Variants in ADAMTS2 observed in about 807,000 individuals in gnomAD.
The protein encoded by ADAMTS2 is ADAM metallopeptidase with thrombospondin type 1 motif 2, also known as A disintegrin and metalloproteinase with thrombospondin motifs 2.
Under a neutral mutation model 123.0 loss-of-function variants are expected in ADAMTS2, and 50 were observed. The ratio of observed to expected loss-of-function variants is 0.41; its 90% CI spans 0.32 to 0.51. ADAMTS2 has a LOEUF of 0.51. ADAMTS2 is among the 20% of genes least tolerant of loss of function. The pLI is 0.35. For synonymous variants in ADAMTS2, 678 were observed against 695.4 expected (o/e 0.98, Z 0.39); for missense variants, 1,494 against 1,705.2 (o/e 0.88, Z 2.18).
At chr5:179,313,225 G>A (rs977772293) in intron 2 of ADAMTS2, among the ~76,000 whole-genome samples, 2 of 136,560 alleles carry the variant, frequency 1.5e-5, no homozygotes, top group African/African-American at 2.7e-5. Context: ...CACACACACC[G>A]AGACAGAGGA....
At chr5:179,290,299 C>T (rs368792627) in intron 2 of ADAMTS2, among the ~76,000 whole-genome samples, 70 of 152,276 alleles carry the variant, frequency 4.6e-4, no homozygotes, top group African/African-American at 1.6e-3. Flanking sequence ...CTTCTTTGCA[C>T]ACATGGGCTT....
In ADAMTS2 at chr5:179,260,442, C is replaced by T. The variant is rs1160687364; in HGVS notation, c.688+12469G>A. 2.6e-5 allele frequency among the ~76,000 whole-genome samples: 4 copies of T among 152,186 alleles called. No individual in the cohort carries two copies. The highest frequency in any genetic ancestry group is 9.7e-5 in the African/African-American group (4 of 41,448). On this transcript the variant is annotated intron_variant, in intron 3 of 21. Transcript: ENST00000251582. The surrounding 1 kb of genome is among the most constrained non-coding windows in gnomAD (Gnocchi z 4.2). ...ACATCCTCACTCACCCTCGCTGGGC[C>T]CCAGTTTCTGCAGCCGTTAAGTGGA...
Position 179,153,589 on chromosome 5 carries a change from G to T in ADAMTS2, c.1417C>A (p.His473Asn). Residue 473 changes from histidine to asparagine, a missense_variant, in exon 9 of 22, where the codon CAC becomes AAC. Physicochemically the swap from His to Asn is moderately conservative, Grantham distance 68. Coordinates refer to ENST00000251582, the MANE Select transcript of ADAMTS2 (RefSeq NM_014244.5). ...YDCLLDDPFAHDWPALPQLPG... is the reference protein window; with the variant it reads ...YDCLLDDPFANDWPALPQLPG... The stretch of plus-strand genomic sequence containing the variant: ...AGCTGGGGCAGCGCCGGCCAGTCGT[G>T]GGCGAAGGGGTCATCCAGCAGGCAG... 1 of 1,607,174 alleles carries T rather than the reference G, an allele frequency of 6.2e-7. No individual in the cohort carries two copies.
chr5:179,283,314 C>T (rs1755879867), intron 2 of ADAMTS2, among the ~76,000 whole-genome samples: 1 of 151,858 alleles, frequency 6.6e-6, no homozygotes, highest in African/African-American at 2.4e-5. Context: ...AAGCCCACAA[C>T]AATCAGACAA....
Position 179,284,168 on chromosome 5 carries a change from A to G in ADAMTS2, c.535-11104T>C, listed in dbSNP as rs1159548312. On this transcript the variant is annotated intron_variant, in intron 2 of 21. Coordinates refer to ENST00000251582, the MANE Select transcript of ADAMTS2 (RefSeq NM_014244.5). Reference sequence around the variant, plus strand: ...ATATGGTGAAACCCCGTCTCTACTAAAAACACAAAAATTAGCCGGGCTTGG... The same window carrying G: ...ATATGGTGAAACCCCGTCTCTACTAGAAACACAAAAATTAGCCGGGCTTGG... Among the ~76,000 whole-genome samples the G allele has an allele frequency of 1.6e-4, 24 of 150,712 alleles. 1 individual carries two copies. The highest frequency in any genetic ancestry group is 3.0e-4 in the Non-Finnish European group (20 of 67,744).
At chr5:179,119,812 C>G (rs1331658948) in intron 21 of ADAMTS2, among the ~76,000 whole-genome samples, 1 of 152,218 alleles carries the variant, frequency 6.6e-6, no homozygotes, top group Non-Finnish European at 1.5e-5. Flanking sequence ...CATTCCCACT[C>G]CACAGGCTCT....
In ADAMTS2 at chr5:179,158,769, G is replaced by A. The variant is rs140784888; in HGVS notation, c.1086C>T (p.His362=). The change falls in exon 6 of 22, where the codon CAC becomes CAT. Residue 362 remains histidine, a synonymous_variant. Coordinates refer to ENST00000251582, the MANE Select transcript of ADAMTS2 (RefSeq NM_014244.5). The surrounding 1 kb of genome is among the most constrained non-coding windows in gnomAD (Gnocchi z 5.0). ...AGTCCTGCCGTGTGAGGAAGATGGC[G>A]TGATCGTGGTATTCATCGTGGCCCG... ...PDTGHDEYHD[H]AIFLTRQDFG... is the part of the protein sequence containing the mutation. 11 of 1,614,140 alleles carry A rather than the reference G, an allele frequency of 6.8e-6. No homozygotes were observed. The highest frequency in any genetic ancestry group is 1.6e-4 in the Middle Eastern group (1 of 6,084).
intron 3 of ADAMTS2, among the ~76,000 whole-genome samples, chr5:179,226,468 G>C (rs967442314): frequency 1.3e-5 from 2 of 150,722 alleles, no homozygotes; most frequent in Non-Finnish European, 2.9e-5. Context: ...GTAGAGACAG[G>C]ATTTCACCAT....
chr5:179,267,486 G>A (rs1018283397), intron 3 of ADAMTS2, among the ~76,000 whole-genome samples: 2 of 152,212 alleles, frequency 1.3e-5, no homozygotes, highest in Non-Finnish European at 2.9e-5. Context: ...GTTGCTGTCT[G>A]ACTTCTCTTC....
In ADAMTS2 at chr5:179,242,809, C is replaced by T. The variant is rs562154136; in HGVS notation, c.688+30102G>A. On this transcript the variant is annotated intron_variant, in intron 3 of 21. Transcript: ENST00000251582. This position sits in a 1 kb window ranked among gnomAD's most constrained non-coding sequence, Gnocchi z 4.2. ...TTCACCAGGATAGATGGGCCACCAG[C>T]GTTTCTCATCATCTCCAACTCCCAG... Among the ~76,000 whole-genome samples, 39 of 152,240 alleles carry T rather than the reference C, an allele frequency of 2.6e-4. No individual in the cohort carries two copies. Among genetic ancestry groups the T allele is most frequent in the South Asian group, 8.3e-4 (4 of 4,814 alleles).
intron 2 of ADAMTS2, among the ~76,000 whole-genome samples, chr5:179,283,188 G>A (rs1766966357): frequency 1.3e-5 from 2 of 152,014 alleles, no homozygotes; most frequent in Non-Finnish European, 2.9e-5. Flanking sequence ...CAGGGATAAT[G>A]AGGGTTACAA....
intron 2 of ADAMTS2, among the ~76,000 whole-genome samples, chr5:179,281,138 A>G (rs1397822333): frequency 6.6e-6 from 1 of 152,234 alleles, no homozygotes; most frequent in East Asian, 1.9e-4. Flanking sequence ...GATTACAGGC[A>G]TAAGCCATGG....
intron 2 of ADAMTS2, among the ~76,000 whole-genome samples, chr5:179,302,320 G>A (rs542905268): frequency 6.0e-5 from 9 of 149,362 alleles, no homozygotes; most frequent in East Asian, 5.9e-4. Flanking sequence ...AACATTAGCC[G>A]GGCGTGGTGG....
chr5:179,205,485 G>A (rs1281431710), intron 4 of ADAMTS2, among the ~76,000 whole-genome samples: 2 of 152,262 alleles, frequency 1.3e-5, no homozygotes, highest in Admixed American at 6.5e-5. Context: ...GAGGACGGGA[G>A]CAGCGTTCCC....
chr5:179,331,029 G>A (rs1345227197), intron 2 of ADAMTS2, among the ~76,000 whole-genome samples: 1 of 151,996 alleles, frequency 6.6e-6, no homozygotes, highest in Non-Finnish European at 1.5e-5. Context: ...AAAGGAGCTG[G>A]CTCTGGGCTC....
rs574051943 is a variant in ADAMTS2 at position 179,185,491 on chromosome 5, C to T, written c.892-4336G>A. ...GGCCCTGCCCCTCAGGACGCAAGAT[C>T]TTCCCACTCTCCTAGCCCTACCCCT... On this transcript the variant is annotated intron_variant, in intron 4 of 21. Coordinates refer to ENST00000251582, the MANE Select transcript of ADAMTS2 (RefSeq NM_014244.5). The surrounding 1 kb of genome is among the most constrained non-coding windows in gnomAD (Gnocchi z 5.9). Among the ~76,000 whole-genome samples, 1 of 152,112 alleles carries T rather than the reference C, an allele frequency of 6.6e-6. No individual in the cohort carries two copies. The highest frequency in any genetic ancestry group is 6.5e-5 in the Admixed American group (1 of 15,286).
intron 17 of ADAMTS2, among the ~76,000 whole-genome samples, chr5:179,126,520 A>G (rs2113191961): frequency 6.6e-6 from 1 of 152,320 alleles, no homozygotes; most frequent in Non-Finnish European, 1.5e-5. Flanking sequence ...ACAGGCCCAG[A>G]GCAGCCGTGC....
At chr5:179,159,011 G>A (rs141421949) in intron 5 of ADAMTS2, 132 bp from the exon 6 acceptor site, 39 of 1,237,506 alleles carry the variant, frequency 3.2e-5, no homozygotes, top group East Asian at 5.1e-5. Context: ...GGCCCTGCCC[G>A]GTCACTCTCA....
rs369079812 is a variant in ADAMTS2, at chr5:179,257,515, C to A, written c.688+15396G>T. Among the ~76,000 whole-genome samples the A allele has an allele frequency of 4.6e-5, 7 of 152,322 alleles. No individual in the cohort carries two copies. The East Asian group carries it at 1.4e-3, about 29-fold the overall frequency. On this transcript the variant is annotated intron_variant, in intron 3 of 21. Coordinates refer to ENST00000251582, the MANE Select transcript of ADAMTS2 (RefSeq NM_014244.5). ...GGCGCCACGCCTGCTCCCTCAGTGC[C>A]GCATCCAACAGCTCTGTCTGCCTGG...
Sources: gnomAD v4.1 joint callset for allele counts (sites outside exome capture counted in the v4.1 genomes callset) on GRCh38, gnomAD v4.1.1 for gene constraint, Gnocchi (gnomAD v3.1) non-coding constraint, MANE v1.5 for transcripts, NCBI Gene and HGNC (gene_info 2026-07-23, HGNC 2026-07-21) for gene names.